The following RHOT1 variants were observed in gnomAD, a reference collection of about 807,000 sequenced individuals.
The protein encoded by RHOT1 is ras homolog family member T1.
A neutral mutation model predicts 95.3 loss-of-function variants in RHOT1; 27 were observed. The observed-to-expected ratio is 0.28, with a 90% CI of 0.21 to 0.39. RHOT1 has a LOEUF of 0.39. RHOT1 is among the 10% of genes least tolerant of loss of function. The pLI is 1.00. For synonymous variants in RHOT1, 227 were observed against 263.5 expected (o/e 0.86, Z 1.34); for missense variants, 578 against 786.7 (o/e 0.73, Z 3.17).
At chr17:32,196,663 C>T (rs749243340) in intron 11 of RHOT1, among the ~76,000 whole-genome samples, 1 of 152,190 alleles carries the variant, frequency 6.6e-6, no homozygotes, top group Admixed American at 6.5e-5. Flanking sequence ...CTCTCCCTCT[C>T]GCCCCCACCT....
intron 8 of RHOT1, among the ~76,000 whole-genome samples, chr17:32,190,178 G>A (rs987048274): frequency 2.6e-5 from 4 of 152,020 alleles, no homozygotes; most frequent in Admixed American, 6.6e-5. Context: ...ATCGTTGGCC[G>A]GGCGCAATGG....
chr17:32,171,409 A>G (rs2034567238), intron 2 of RHOT1, among the ~76,000 whole-genome samples: 1 of 152,210 alleles, frequency 6.6e-6, no homozygotes, highest in African/African-American at 2.4e-5. Flanking sequence ...TAAAAAGCTA[A>G]TATTTGTTTA....
At chr17:32,201,191 A>C in intron 14 of RHOT1, 135 bp downstream of exon 14, 1 of 506,584 alleles carries the variant, frequency 2.0e-6, no homozygotes, top group South Asian at 2.7e-5. Context: ...CCTTGTGATC[A>C]GATCATTTCT....
chr17:32,218,684 C>T (rs550783250), intron 19 of RHOT1, among the ~76,000 whole-genome samples: 49 of 152,010 alleles, frequency 3.2e-4, no homozygotes, highest in Admixed American at 2.6e-4. Context: ...TATGGTAGCA[C>T]GCACTTGGGG....
intron 1 of RHOT1, among the ~76,000 whole-genome samples, chr17:32,143,866 C>G (rs1194135795): frequency 1.3e-5 from 2 of 152,182 alleles, no homozygotes; most frequent in Admixed American, 6.5e-5. Context: ...GATGGAATCC[C>G]AAGGAAGAAA....
At chr17:32,195,824 A>G (rs1052092466) in intron 11 of RHOT1, among the ~76,000 whole-genome samples, 14 of 152,184 alleles carry the variant, frequency 9.2e-5, no homozygotes, top group Non-Finnish European at 1.6e-4. Context: ...CAATAAATAT[A>G]TACTAAATGA....
intron 15 of RHOT1, 70 bp from the exon 16 acceptor site, chr17:32,203,820 A>G: frequency 9.3e-7 from 1 of 1,074,690 alleles, no homozygotes; most frequent in Non-Finnish European, 1.4e-6. Context: ...CTGCACATAT[A>G]CACAGAGATG....
At chr17:32,219,806 G>C (rs577259070) in intron 19 of RHOT1, among the ~76,000 whole-genome samples, 2 of 152,096 alleles carry the variant, frequency 1.3e-5, no homozygotes, top group African/African-American at 4.8e-5. Flanking sequence ...AACAAACTGC[G>C]AATGATTAGT....
At chr17:32,169,584 G>T (rs541613508) in intron 1 of RHOT1, among the ~76,000 whole-genome samples, 2 of 152,124 alleles carry the variant, frequency 1.3e-5, no homozygotes, top group Non-Finnish European at 2.9e-5. Context: ...GATGTAAATT[G>T]GTTTATTCGT....
At chr17:32,158,811 C>T (rs890815530) in intron 1 of RHOT1, among the ~76,000 whole-genome samples, 13 of 152,250 alleles carry the variant, frequency 8.5e-5, no homozygotes, top group African/African-American at 2.6e-4. Context: ...GCTCACGTAC[C>T]CTCTGAGTTC....
intron 11 of RHOT1, among the ~76,000 whole-genome samples, chr17:32,195,763 TC>T (rs1474839772): frequency 6.6e-6 from 1 of 152,240 alleles, no homozygotes; most frequent in Non-Finnish European, 1.5e-5. Context: ...AATTGAAACT[TC>T]CTTTGACTAA....
At chr17:32,153,596 C>T (rs1430473732) in intron 1 of RHOT1, among the ~76,000 whole-genome samples, 2 of 152,206 alleles carry the variant, frequency 1.3e-5, no homozygotes, top group African/African-American at 4.8e-5. Flanking sequence ...GAGTTCAAAG[C>T]TGCAGTGAGC....
intron 1 of RHOT1, among the ~76,000 whole-genome samples, chr17:32,155,495 CTT>C (rs767564866): frequency 1.7e-4 from 23 of 135,504 alleles, no homozygotes; most frequent in East Asian, 2.1e-4. Context: ...TTCTTTCTTT[CTT>C]TTTTTTTTTT....
Position 32,149,603 on chromosome 17 carries a change from A to G in RHOT1, c.37+6874A>G, listed in dbSNP as rs2031919945. Among the ~76,000 whole-genome samples the G allele has an allele frequency of 1.2e-3, 90 of 77,236 alleles. 1 individual carries two copies. Among genetic ancestry groups the G allele is most frequent in the African/African-American group, 7.7e-3 (85 of 11,042 alleles). 50.7% of individuals were successfully genotyped at this position (77,236 alleles called of 152,430 possible). A position where few individuals can be genotyped will look rare whatever the true frequency, so the allele number is the denominator to read the frequency against. ...GAGCCCAGCAGTTCTATATATATAT[A>G]TATATATATATATATATATATATAT... On this transcript the variant is annotated intron_variant, in intron 1 of 19. Transcript: ENST00000545287.
At chr17:32,209,374 C>A (rs1423826579) in intron 18 of RHOT1, 1 of 1,610,590 alleles carries the variant, frequency 6.2e-7, no homozygotes, top group African/African-American at 1.3e-5. Flanking sequence ...GAGACAGACT[C>A]TCCCGAGACA....
chr17:32,183,392 C>A, intron 8 of RHOT1, 120 bp downstream of exon 8: 1 of 474,398 alleles, frequency 2.1e-6, no homozygotes, highest in Non-Finnish European at 3.6e-6. Flanking sequence ...AAATTTATTG[C>A]TTATTAAATG....
intron 1 of RHOT1, among the ~76,000 whole-genome samples, chr17:32,161,143 G>T (rs57862800): frequency 0.011 from 1,725 of 152,262 alleles, 35 homozygotes; most frequent in African/African-American, 0.039. Flanking sequence ...AATGTATCAC[G>T]CAAATTAGTC....
chr17:32,168,412 A>AGT (rs549931901), intron 1 of RHOT1, among the ~76,000 whole-genome samples: 1 of 151,934 alleles, frequency 6.6e-6, no homozygotes, highest in Non-Finnish European at 1.5e-5. Context: ...TGGGACTACA[A>AGT]GTGTGTGCCA....
At chr17:32,189,736 CTTTTTTT>C (rs71362807) in intron 8 of RHOT1, among the ~76,000 whole-genome samples, 1 of 124,396 alleles carries the variant, frequency 8.0e-6, no homozygotes, top group African/African-American at 3.2e-5. Flanking sequence ...CTTTTCTTTT[CTTTTTTT>C]TTTTTTTTTT....
Sources: allele counts gnomAD v4.1 joint callset (sites outside exome capture counted in the v4.1 genomes callset), GRCh38; gene constraint gnomAD v4.1.1; transcripts MANE v1.5; gene names NCBI Gene and HGNC (gene_info 2026-07-23, HGNC 2026-07-21).